Variants in ATRX observed in about 807,000 individuals in gnomAD.
ATRX encodes chromatin remodeler ATRX.
Under a neutral mutation model 172.6 loss-of-function variants are expected in ATRX, and 12 were observed. The ratio of observed to expected loss-of-function variants is 0.07; its 90% confidence interval spans 0.04 to 0.11. The LOEUF (loss-of-function observed/expected upper bound fraction) is 0.11, where lower values mean the gene tolerates loss of function less well. ATRX is among the 10% of genes least tolerant of loss of function. The pLI is 1.00. For missense variants in ATRX, 1,368 were observed against 1,767.4 expected, an observed-to-expected ratio of 0.77 and a Z score of 4.05; for synonymous variants, 674 against 594.7, an observed-to-expected ratio of 1.13 and a Z score of -1.94.
In ATRX at chrX:77,684,648, A is replaced by T. The variant is rs45565042; in HGVS notation, c.663-55T>A. On this transcript the variant is annotated intron_variant, in intron 8 of 34. Coordinates refer to ENST00000373344, the MANE Select transcript of ATRX (RefSeq NM_000489.6). ...TCCCTTCTTTCAGGAAACTGAAAAG[A>T]TATGTAAAAAAATAAAAATAAACAT... 4,245 of 1,097,005 alleles carry T rather than the reference A, an allele frequency of 3.9e-3. 83 individuals are homozygous for T. In the African/African-American group the frequency reaches 0.066, roughly 17 times the overall value. 90.4% of individuals were successfully genotyped at this position (1,097,005 alleles called of 1,213,427 possible).
chrX:77,543,667 A>G (rs2147869120), intron 30 of ATRX, among the ~76,000 whole-genome samples: 1 of 111,373 alleles, frequency 9.0e-6, no homozygotes, highest in East Asian at 2.8e-4. Flanking sequence ...AGGGACATGG[A>G]TGAAACTGGA....
intron 1 of ATRX, among the ~76,000 whole-genome samples, chrX:77,756,405 A>G (rs1245699920): frequency 6.8e-5 from 7 of 102,927 alleles, no homozygotes; most frequent in East Asian, 3.0e-4. Context: ...GAAGAGGGGG[A>G]AAAAAAAAAA....
intron 1 of ATRX, among the ~76,000 whole-genome samples, chrX:77,780,778 C>CA (rs1387552962): frequency 9.2e-6 from 1 of 109,155 alleles, no homozygotes; most frequent in African/African-American, 3.3e-5. Context: ...ACTGTTTCTA[C>CA]AAAAAAATCA....
At chrX:77,639,212 G>A (rs1453983311) in intron 15 of ATRX, among the ~76,000 whole-genome samples, 2 of 111,694 alleles carry the variant, frequency 1.8e-5, no homozygotes, top group African/African-American at 6.5e-5. Context: ...CCACTAATAA[G>A]CTGACTCTGA....
chrX:77,540,774 C>A (rs1557050437), intron 30 of ATRX, among the ~76,000 whole-genome samples: 3 of 111,567 alleles, frequency 2.7e-5, no homozygotes, highest in African/African-American at 9.8e-5. Flanking sequence ...CCAATGAGAA[C>A]AAAGATACAA....
At chrX:77,568,966 A>C (rs1238517133) in intron 28 of ATRX, among the ~76,000 whole-genome samples, 1 of 111,566 alleles carries the variant, frequency 9.0e-6, no homozygotes, top group Admixed American at 9.5e-5. Flanking sequence ...GATGAAGAGT[A>C]ATTACAAAAA....
At chrX:77,647,333 A>C (rs782252654) in intron 15 of ATRX, among the ~76,000 whole-genome samples, 1 of 112,221 alleles carries the variant, frequency 8.9e-6, no homozygotes, top group Admixed American at 9.5e-5. Flanking sequence ...CACAATCAAG[A>C]ACCTAACTTT....
At chrX:77,620,970 A>G (rs1194019209) in intron 19 of ATRX, among the ~76,000 whole-genome samples, 1 of 112,361 alleles carries the variant, frequency 8.9e-6, no homozygotes, top group Non-Finnish European at 1.9e-5. Flanking sequence ...TTCAAAAGTT[A>G]CACTTTAAGA....
chrX:77,625,230 T>C (rs5912641), intron 19 of ATRX, among the ~76,000 whole-genome samples: 57,452 of 111,358 alleles, frequency 0.52, 12,892 homozygotes, highest in Non-Finnish European at 0.69. Flanking sequence ...TCTCATCTTA[T>C]ACAAAAATCA....
intron 10 of ATRX, among the ~76,000 whole-genome samples, chrX:77,670,838 CTTAAG>C (rs782106668): frequency 1.9e-5 from 2 of 105,374 alleles, no homozygotes; most frequent in African/African-American, 3.5e-5. Context: ...AAATTAGTAT[CTTAAG>C]TTTTCTATTA....
intron 15 of ATRX, among the ~76,000 whole-genome samples, chrX:77,651,763 G>A (rs922786745): frequency 1.8e-5 from 2 of 111,039 alleles, no homozygotes; most frequent in Admixed American, 9.5e-5. Flanking sequence ...GGAGGCTGAG[G>A]CACAAGAATC....
intron 30 of ATRX, among the ~76,000 whole-genome samples, chrX:77,533,324 G>A (rs1455812372): frequency 8.9e-6 from 1 of 112,076 alleles, no homozygotes; most frequent in Non-Finnish European, 1.9e-5. Flanking sequence ...ATACATGCAT[G>A]CGTATGTTCA....
chrX:77,767,631 G>A (rs1364150192), intron 1 of ATRX, among the ~76,000 whole-genome samples: 2 of 110,931 alleles, frequency 1.8e-5, no homozygotes, highest in Non-Finnish European at 3.8e-5. Context: ...CTGACCTCAG[G>A]TGATCCGCCC....
intron 15 of ATRX, among the ~76,000 whole-genome samples, chrX:77,639,216 A>G (rs992726822): frequency 9.0e-6 from 1 of 111,536 alleles, no homozygotes; most frequent in East Asian, 2.8e-4. Flanking sequence ...TAATAAGCTG[A>G]CTCTGATTTA....
chrX:77,745,031 G>T (rs1256425585), intron 1 of ATRX, among the ~76,000 whole-genome samples: 3 of 108,293 alleles, frequency 2.8e-5, no homozygotes, highest in African/African-American at 1.0e-4. Flanking sequence ...ACCTAGCTGG[G>T]CATGGTGGTA....
Position 77,636,131 on chromosome X carries a change from T to C in ATRX, c.4558-75A>G, listed in dbSNP as rs2068337084. ...CAATGGTCAGTCTTACCAAGGGAGA[T>C]TTTCCAAAATATAGACACATTTACT... On this transcript the variant is annotated intron_variant, in intron 15 of 34. Transcript: ENST00000373344. The C allele has an allele frequency of 6.7e-6, 7 of 1,045,727 alleles. No individual in the cohort carries two copies. The South Asian group carries it at 1.3e-4, about 20-fold the overall frequency. 86.2% of individuals were successfully genotyped at this position (1,045,727 alleles called of 1,213,427 possible).
chrX:77,743,534 A>C (rs1335712997), intron 1 of ATRX, among the ~76,000 whole-genome samples: 2 of 111,346 alleles, frequency 1.8e-5, no homozygotes, highest in Admixed American at 1.9e-4. Flanking sequence ...CTGAAACACC[A>C]GAGTACTTCT....
At chrX:77,595,318 T>C (rs1239315142) in intron 25 of ATRX, 4 of 111,424 alleles carry the variant, frequency 3.6e-5, no homozygotes, top group Non-Finnish European at 7.5e-5. Flanking sequence ...AGGTCATATA[T>C]CTCCAGAGTG....
chrX:77,703,294 T>C (rs1157524171), intron 2 of ATRX, among the ~76,000 whole-genome samples: 1 of 112,952 alleles, frequency 8.9e-6, no homozygotes, highest in African/African-American at 3.2e-5. Context: ...TACTGGCCTG[T>C]GTCCTATGAT....
Sources: gnomAD v4.1 joint callset for allele counts (sites outside exome capture counted in the v4.1 genomes callset) on GRCh38, gnomAD v4.1.1 for gene constraint, MANE v1.5 for transcripts, NCBI Gene and HGNC (gene_info 2026-07-23, HGNC 2026-07-21) for gene names.